The following NRXN1 variants were observed in gnomAD, a reference collection of about 807,000 sequenced individuals.
The protein encoded by NRXN1 is neurexin-1.
NRXN1 carries 39 observed loss-of-function variants against 150.9 expected under a neutral mutation model. The observed-to-expected ratio is 0.26, with a 90% CI of 0.20 to 0.34. The LOEUF (loss-of-function observed/expected upper bound fraction) is 0.34, where lower values mean the gene tolerates loss of function less well. NRXN1 is among the 10% of genes least tolerant of loss of function. The probability of loss-of-function intolerance (pLI) is 1.00; values close to 1 mark genes in which losing one functional copy is unlikely to be tolerated. For missense variants in NRXN1, 1,815 were observed against 1,949.9 expected (o/e 0.93, Z 1.30); for synonymous variants, 924 against 757.0 (o/e 1.22, Z -3.62).
intron 17 of NRXN1, among the ~76,000 whole-genome samples, chr2:50,406,446 A>G (rs1160078328): frequency 6.6e-6 from 1 of 152,186 alleles, no homozygotes; most frequent in African/African-American, 2.4e-5. Context: ...TACCTCTTGG[A>G]CATTGGTGAC....
intron 21 of NRXN1, among the ~76,000 whole-genome samples, chr2:49,992,033 T>C (rs977187995): frequency 3.9e-5 from 6 of 152,164 alleles, no homozygotes. Flanking sequence ...TAGACATCCA[T>C]ATGAAAAATA....
intron 2 of NRXN1, among the ~76,000 whole-genome samples, chr2:50,942,053 T>G (rs1689535698): frequency 6.6e-6 from 1 of 152,156 alleles, no homozygotes; most frequent in Admixed American, 6.5e-5. Context: ...TGCATCCCAG[T>G]CACTCCAGTT....
intron 18 of NRXN1, among the ~76,000 whole-genome samples, chr2:50,230,762 A>G (rs1445544617): frequency 1.3e-5 from 2 of 152,064 alleles, no homozygotes; most frequent in Non-Finnish European, 2.9e-5. Context: ...GAAGTTGAGA[A>G]ATTGAATTAA....
intron 5 of NRXN1, among the ~76,000 whole-genome samples, chr2:50,637,875 T>TA (rs397947476): frequency 0.044 from 6,562 of 149,112 alleles, 466 homozygotes; most frequent in African/African-American, 0.15. Context: ...ATCTAGTATT[T>TA]AAAAAAAAAA....
chr2:50,683,784 T>G (rs1690818639), intron 5 of NRXN1, among the ~76,000 whole-genome samples: 2 of 149,748 alleles, frequency 1.3e-5, no homozygotes, highest in South Asian at 4.3e-4. Context: ...GTACAGTGAC[T>G]GATGTTCACA....
intron 5 of NRXN1, among the ~76,000 whole-genome samples, chr2:50,681,346 A>T (rs1690377791): frequency 6.6e-6 from 1 of 152,220 alleles, no homozygotes; most frequent in African/African-American, 2.4e-5. Flanking sequence ...CTCTTTTAAG[A>T]AAAAACCATT....
intron 8 of NRXN1, among the ~76,000 whole-genome samples, chr2:50,577,854 A>G (rs1260357654): frequency 1.3e-5 from 2 of 152,128 alleles, no homozygotes; most frequent in Non-Finnish European, 2.9e-5. Flanking sequence ...AATTGTTAAA[A>G]CAGTTACTAA....
Position 50,043,422 on chromosome 2 carries a change from C to T in NRXN1, c.4128+9849G>A, listed in dbSNP as rs577104473. Among the ~76,000 whole-genome samples the T allele has an allele frequency of 5.3e-4, 80 of 152,214 alleles. 1 individual carries two copies. In the South Asian group the frequency reaches 0.015, roughly 29 times the overall value. On this transcript the variant is annotated intron_variant, in intron 21 of 22. Transcript: ENST00000401669. Reference sequence around the variant, plus strand: ...ACCAACTGCTAGTTAATGCTGTGCACGGAAAAGTCAGACTTGGTAATGTCA... The same window carrying T: ...ACCAACTGCTAGTTAATGCTGTGCATGGAAAAGTCAGACTTGGTAATGTCA...
intron 5 of NRXN1, among the ~76,000 whole-genome samples, chr2:50,786,825 T>C (rs937064995): frequency 1.3e-5 from 2 of 152,102 alleles, no homozygotes; most frequent in Non-Finnish European, 2.9e-5. Flanking sequence ...CAACCTTCCC[T>C]CAAATTAGCT....
rs542882160 is a variant in NRXN1 at position 50,620,260 on chromosome 2, T to C, written c.1159-77A>G. On this transcript the variant is annotated intron_variant, in intron 7 of 22. Coordinates refer to ENST00000401669, the MANE Select transcript of NRXN1 (RefSeq NM_001330078.2). ...GTAATCCTGGGATATGCCTGTTTTG[T>C]GTTTTGCTTTTGTTTTTTTGTTTTG... 14 of 1,458,198 alleles carry C rather than the reference T, an allele frequency of 9.6e-6. No homozygotes were observed. In the African/African-American group the frequency reaches 1.1e-4, roughly 12 times the overall value. 90.3% of individuals were successfully genotyped at this position (1,458,198 alleles called of 1,614,324 possible). A position where few individuals can be genotyped will look rare whatever the true frequency, so the allele number is the denominator to read the frequency against.
intron 5 of NRXN1, among the ~76,000 whole-genome samples, chr2:50,803,442 A>G (rs1324404042): frequency 6.6e-6 from 1 of 152,114 alleles, no homozygotes; most frequent in African/African-American, 2.4e-5. Flanking sequence ...TACTCTCATA[A>G]TCTCTCTAGT....
At chr2:50,732,059 C>G (rs1465104632) in intron 5 of NRXN1, among the ~76,000 whole-genome samples, 1 of 152,048 alleles carries the variant, frequency 6.6e-6, no homozygotes, top group African/African-American at 2.4e-5. Flanking sequence ...TATATATGTA[C>G]GTGACCAATG....
chr2:50,316,190 G>C (rs991768229), intron 17 of NRXN1, among the ~76,000 whole-genome samples: 2 of 151,980 alleles, frequency 1.3e-5, no homozygotes, highest in Non-Finnish European at 2.9e-5. Context: ...AGAAATGTTG[G>C]GGGAAGAGGA....
intron 5 of NRXN1, among the ~76,000 whole-genome samples, chr2:50,639,225 T>TC (rs1553916456): frequency 8.4e-4 from 111 of 132,930 alleles, no homozygotes; most frequent in Middle Eastern, 8.0e-3. Flanking sequence ...TTTCTTTCTT[T>TC]TTTTTTTTTT....
At chr2:50,163,523 A>G (rs2059493717) in intron 18 of NRXN1, among the ~76,000 whole-genome samples, 1 of 152,130 alleles carries the variant, frequency 6.6e-6, no homozygotes, top group Admixed American at 6.6e-5. Context: ...CTTCTTGGCC[A>G]ATGTGCTTCT....
At chr2:50,084,123 A>G (rs1167517171) in intron 19 of NRXN1, among the ~76,000 whole-genome samples, 4 of 152,222 alleles carry the variant, frequency 2.6e-5, no homozygotes, top group African/African-American at 9.6e-5. Flanking sequence ...TCCCTTGGCT[A>G]GACATAAAGG....
At chr2:50,439,661 C>A (rs1348891840) in intron 17 of NRXN1, among the ~76,000 whole-genome samples, 2 of 151,334 alleles carry the variant, frequency 1.3e-5, no homozygotes, top group Admixed American at 6.6e-5. Flanking sequence ...AATAAAAATA[C>A]AAAAAATTAG....
chr2:51,002,509 G>A lies in NRXN1; in HGVS notation c.772+24993C>T, dbSNP rs544931201. Among the ~76,000 whole-genome samples, 3 of 152,012 alleles carry A rather than the reference G, an allele frequency of 2.0e-5. No individual in the cohort carries two copies. In the South Asian group the frequency reaches 6.2e-4, roughly 32 times the overall value. ...CATATAATAATGAATTTGTTAAAATGACTTTCCGTAAGAAACACACATTTA... is the reference window on the plus strand; with the variant it reads ...CATATAATAATGAATTTGTTAAAATAACTTTCCGTAAGAAACACACATTTA... On this transcript the variant is annotated intron_variant, in intron 2 of 22. Transcript: ENST00000401669.
chr2:50,465,075 C>A (rs549388655), intron 17 of NRXN1, among the ~76,000 whole-genome samples: 1 of 151,302 alleles, frequency 6.6e-6, no homozygotes, highest in Non-Finnish European at 1.5e-5. Context: ...AAAATTACAG[C>A]CCTCGAGACA....
Sources: gnomAD v4.1 joint callset for allele counts (sites outside exome capture counted in the v4.1 genomes callset) on GRCh38, gnomAD v4.1.1 for gene constraint, MANE v1.5 for transcripts, NCBI Gene and HGNC (gene_info 2026-07-23, HGNC 2026-07-21) for gene names.